GPHN: variants seen among roughly 807,000 people sequenced by gnomAD.
GPHN encodes gephyrin.
In GPHN, 17 loss-of-function variants were observed where a neutral mutation model predicts 95.5. The ratio of observed to expected loss-of-function variants is 0.18; its 90% CI spans 0.12 to 0.27. The LOEUF (loss-of-function observed/expected upper bound fraction) is 0.27, where lower values mean the gene tolerates loss of function less well. GPHN is among the 10% of genes least tolerant of loss of function. The pLI, the probability that GPHN is intolerant of heterozygous loss-of-function variation, is 1.00. For synonymous variants in GPHN, 320 were observed against 322.5 expected (o/e 0.99, Z 0.08); for missense variants, 660 against 978.1 (o/e 0.67, Z 4.34).
chr14:66,954,529 G>T (rs922000898), intron 8 of GPHN, among the ~76,000 whole-genome samples: 2 of 152,032 alleles, frequency 1.3e-5, no homozygotes, highest in Admixed American at 6.5e-5. Context: ...TGTTCTTTTT[G>T]TGGATGTTTC....
intron 4 of GPHN, among the ~76,000 whole-genome samples, chr14:66,878,345 C>G (rs1022645116): frequency 7.9e-5 from 12 of 152,028 alleles, no homozygotes; most frequent in Non-Finnish European, 1.5e-4. Flanking sequence ...GCAATTGCAA[C>G]AAAAGCCAAA....
At chr14:66,766,118 T>C (rs531832957) in intron 2 of GPHN, among the ~76,000 whole-genome samples, 1 of 152,330 alleles carries the variant, frequency 6.6e-6, no homozygotes, top group African/African-American at 2.4e-5. Flanking sequence ...AGAGCATTTT[T>C]CAATTCCTAG....
chr14:66,915,358 C>T (rs570535608), intron 5 of GPHN, among the ~76,000 whole-genome samples: 1 of 152,210 alleles, frequency 6.6e-6, no homozygotes. Context: ...AAAATCTAGG[C>T]CTTTGCTCCT....
intron 1 of GPHN, among the ~76,000 whole-genome samples, chr14:66,547,910 G>GTAT (rs1230876052): frequency 6.6e-6 from 1 of 152,120 alleles, no homozygotes; most frequent in Non-Finnish European, 1.5e-5. Flanking sequence ...TGTGTTGTTG[G>GTAT]TATTATTATT....
At chr14:67,658,863 C>T in the GPHN span, among the ~76,000 whole-genome samples, 3 of 152,200 alleles carry the variant, frequency 2.0e-5, no homozygotes, top group African/African-American at 7.2e-5. Context: ...AAGCCAATAT[C>T]ATCCTGAATA....
chr14:67,523,599 G>A, the GPHN span, among the ~76,000 whole-genome samples: 2 of 152,204 alleles, frequency 1.3e-5, no homozygotes, highest in South Asian at 2.1e-4. Context: ...GAAGATGTGC[G>A]ATTATTTGTG....
chr14:66,555,492 GC>G (rs202245141), intron 1 of GPHN, among the ~76,000 whole-genome samples: 2 of 151,834 alleles, frequency 1.3e-5, no homozygotes, highest in Non-Finnish European at 2.9e-5. Context: ...TCCTATGATT[GC>G]CCCCCCGCAA....
At chr14:67,656,542 G>C in the GPHN span, 11 of 1,613,932 alleles carry the variant, frequency 6.8e-6, no homozygotes, top group Non-Finnish European at 8.5e-7. Context: ...CCCGGTTCAG[G>C]CTTTCAGTGC....
the GPHN span, among the ~76,000 whole-genome samples, chr14:67,419,901 C>T: frequency 1.3e-5 from 2 of 151,956 alleles, no homozygotes; most frequent in African/African-American, 4.8e-5. Flanking sequence ...AGTGGGTCTG[C>T]ATCTCCCCAG....
chr14:66,901,145 T>C (rs2065110652), intron 5 of GPHN, among the ~76,000 whole-genome samples: 2 of 152,102 alleles, frequency 1.3e-5, no homozygotes, highest in South Asian at 4.1e-4. Context: ...TGATTAGTGG[T>C]GTTGGCCATT....
chr14:67,347,502 C>CTTG, the GPHN span: 1 of 1,112,686 alleles, frequency 9.0e-7, no homozygotes, highest in Non-Finnish European at 1.3e-6. Flanking sequence ...TAAGTTCTCT[C>CTTG]TTTTTTTTTT....
intron 1 of GPHN, among the ~76,000 whole-genome samples, chr14:66,597,788 A>ACTCCAGTC (rs1177427298): frequency 6.6e-6 from 1 of 152,180 alleles, no homozygotes; most frequent in Non-Finnish European, 1.5e-5. Flanking sequence ...AGCTGGCATC[A>ACTCCAGTC]TGGCAGTGGC....
intron 1 of GPHN, among the ~76,000 whole-genome samples, chr14:66,561,002 T>C (rs55979515): frequency 0.039 from 6,004 of 152,312 alleles, 171 homozygotes; most frequent in Middle Eastern, 0.065. Flanking sequence ...GAGATAATCA[T>C]GTGGTTTTTG....
At chr14:67,539,232 G>GT in the GPHN span, among the ~76,000 whole-genome samples, 1 of 152,172 alleles carries the variant, frequency 6.6e-6, no homozygotes, top group Non-Finnish European at 1.5e-5. Context: ...ACAAGGTTCT[G>GT]TTTTGTCTTT....
the GPHN span, chr14:67,385,459 A>C: frequency 4.6e-5 from 7 of 151,280 alleles, no homozygotes; most frequent in African/African-American, 1.7e-4. Context: ...AAAAAAAACC[A>C]AAAATCTTGA....
chr14:67,579,431 T>A, the GPHN span: 3 of 809,724 alleles, frequency 3.7e-6, no homozygotes, highest in African/African-American at 5.2e-5. Context: ...GTAGATATTA[T>A]GAACTCACTG....
the GPHN span, chr14:67,398,040 T>G: frequency 2.8e-4 from 110 of 390,378 alleles, no homozygotes; most frequent in Non-Finnish European, 4.8e-4. Flanking sequence ...TCTCTGGTTT[T>G]AAATCTTGAA....
the GPHN span, chr14:67,620,236 C>A: frequency 1.9e-6 from 1 of 537,070 alleles, no homozygotes; most frequent in African/African-American, 2.0e-5. Context: ...CGCTACTGGG[C>A]ACCGTGGGAG....
the GPHN span, among the ~76,000 whole-genome samples, chr14:67,406,670 G>A: frequency 3.9e-5 from 6 of 152,204 alleles, no homozygotes; most frequent in Non-Finnish European, 7.3e-5. Flanking sequence ...CAGCAGAACA[G>A]AATAGCCAAA....
Sources: allele counts gnomAD v4.1 joint callset (sites outside exome capture counted in the v4.1 genomes callset), GRCh38; gene constraint gnomAD v4.1.1; transcripts MANE v1.5; gene names NCBI Gene and HGNC (gene_info 2026-07-23, HGNC 2026-07-21).